GPM6A: variants seen among roughly 807,000 people sequenced by gnomAD.
GPM6A encodes the protein neuronal membrane glycoprotein M6-a.
GPM6A carries 7 observed loss-of-function variants against 32.1 expected under a neutral mutation model. The ratio of observed to expected loss-of-function variants is 0.22; its 90% CI spans 0.12 to 0.41. The LOEUF (loss-of-function observed/expected upper bound fraction) is 0.41. Ranked by LOEUF, GPM6A falls within the 10% of genes least tolerant of loss-of-function variation. The probability of loss-of-function intolerance (pLI) is 1.00; values close to 1 mark genes in which losing one functional copy is unlikely to be tolerated. For synonymous variants in GPM6A, 130 were observed against 123.4 expected (o/e 1.05, Z -0.35); for missense variants, 235 against 347.2 (o/e 0.68, Z 2.57).
chr4:175,863,907 G>T (rs144481882), intron 1 of GPM6A, among the ~76,000 whole-genome samples: 2 of 151,992 alleles, frequency 1.3e-5, no homozygotes, highest in African/African-American at 2.4e-5. Context: ...AGGCTGAGGC[G>T]GGAGGATCCC....
intron 1 of GPM6A, among the ~76,000 whole-genome samples, chr4:175,994,602 C>T (rs1741247978): frequency 1.3e-5 from 2 of 152,324 alleles, no homozygotes; most frequent in South Asian, 2.1e-4. Context: ...TCTGAGCCTT[C>T]AGCAAGTCAT....
At chr4:175,796,556 C>T (rs990916310) in intron 1 of GPM6A, among the ~76,000 whole-genome samples, 6 of 152,130 alleles carry the variant, frequency 3.9e-5, no homozygotes, top group African/African-American at 1.4e-4. Flanking sequence ...TTGAATGCTT[C>T]TGTTTATTTA....
At chr4:175,679,255 T>C (rs900775944) in intron 2 of GPM6A, among the ~76,000 whole-genome samples, 2 of 152,154 alleles carry the variant, frequency 1.3e-5, no homozygotes, top group African/African-American at 4.8e-5. Context: ...GAACGGAATG[T>C]TCCTTTTGAG....
At chr4:175,699,151 G>T (rs1391039366) in intron 2 of GPM6A, among the ~76,000 whole-genome samples, 1 of 152,020 alleles carries the variant, frequency 6.6e-6, no homozygotes, top group Non-Finnish European at 1.5e-5. Flanking sequence ...TTTTGTCCAG[G>T]GTAGGCTGAG....
At chr4:175,949,959 A>G (rs748899802) in intron 1 of GPM6A, among the ~76,000 whole-genome samples, 6 of 152,202 alleles carry the variant, frequency 3.9e-5, no homozygotes, top group Non-Finnish European at 5.9e-5. Context: ...TTCATGAGTG[A>G]AGAAAGATAA....
At chr4:175,872,022 C>G (rs1252365083) in intron 1 of GPM6A, among the ~76,000 whole-genome samples, 1 of 152,128 alleles carries the variant, frequency 6.6e-6, no homozygotes, top group Non-Finnish European at 1.5e-5. Context: ...AACACAATCT[C>G]TCTATGGTTT....
At chr4:175,699,628 T>A (rs1354563579) in intron 2 of GPM6A, among the ~76,000 whole-genome samples, 1 of 152,196 alleles carries the variant, frequency 6.6e-6, no homozygotes, top group African/African-American at 2.4e-5. Context: ...ATCAGTTCCA[T>A]TCTTCTAATC....
At chr4:175,886,070 G>A (rs1737444769) in intron 1 of GPM6A, among the ~76,000 whole-genome samples, 1 of 152,106 alleles carries the variant, frequency 6.6e-6, no homozygotes, top group Admixed American at 6.5e-5. Flanking sequence ...GTTCCAAAAT[G>A]AGAAAATGTA....
chr4:175,958,563 G>T (rs1029838586), intron 1 of GPM6A, among the ~76,000 whole-genome samples: 1 of 152,180 alleles, frequency 6.6e-6, no homozygotes, highest in Non-Finnish European at 1.5e-5. Flanking sequence ...AAAGGTATTG[G>T]TCTTCCCCCC....
chr4:175,753,141 A>G (rs1299312861), intron 1 of GPM6A, among the ~76,000 whole-genome samples: 1 of 152,172 alleles, frequency 6.6e-6, no homozygotes, highest in East Asian at 1.9e-4. Context: ...GCGATTTTCA[A>G]CATCATTAAT....
At chr4:175,816,659 G>C (rs1735110187), upstream of GPM6A, among the ~76,000 whole-genome samples, 1 of 152,114 alleles carries the variant, frequency 6.6e-6, no homozygotes, top group Admixed American at 6.6e-5. Flanking sequence ...CCAGTGCATA[G>C]GACTAACAGG....
At chr4:175,975,377 G>A (rs747174267) in intron 1 of GPM6A, among the ~76,000 whole-genome samples, 10 of 152,160 alleles carry the variant, frequency 6.6e-5, no homozygotes, top group Non-Finnish European at 1.3e-4. Flanking sequence ...CTGAGTTGCA[G>A]TTGTCTACTT....
intron 1 of GPM6A, among the ~76,000 whole-genome samples, chr4:175,856,834 CT>C (rs1381374388): frequency 1.3e-5 from 2 of 152,074 alleles, no homozygotes; most frequent in Non-Finnish European, 2.9e-5. Flanking sequence ...GCCAGTGGAA[CT>C]TGGGGTTTTT....
intron 6 of GPM6A, among the ~76,000 whole-genome samples, chr4:175,637,497 T>G (rs1254132448): frequency 2.3e-4 from 1 of 4,294 alleles, no homozygotes; most frequent in East Asian, 3.7e-3. Flanking sequence ...GACCTTTATA[T>G]ATATATAAAA....
intron 1 of GPM6A, among the ~76,000 whole-genome samples, chr4:175,809,472 A>G (rs1044627704): frequency 1.3e-5 from 2 of 152,180 alleles, no homozygotes; most frequent in East Asian, 1.9e-4. Flanking sequence ...TGTTTTACCA[A>G]AAAATATGTT....
chr4:175,746,530 T>A (rs948580216), intron 1 of GPM6A, among the ~76,000 whole-genome samples: 2 of 152,178 alleles, frequency 1.3e-5, no homozygotes, highest in African/African-American at 4.8e-5. Flanking sequence ...AAAATGGCAT[T>A]TGGAATTCTT....
chr4:175,762,639 C>T (rs1026764003), intron 1 of GPM6A, among the ~76,000 whole-genome samples: 3 of 151,786 alleles, frequency 2.0e-5, no homozygotes, highest in Non-Finnish European at 2.9e-5. Context: ...AAAAGGCATT[C>T]GATTAAAAAA....
chr4:175,652,209 T>G (rs1232611498), intron 3 of GPM6A, among the ~76,000 whole-genome samples: 1 of 152,164 alleles, frequency 6.6e-6, no homozygotes, highest in African/African-American at 2.4e-5. Context: ...GAAGTTCTGA[T>G]GTACAAAGAA....
At position 175,711,409 on chromosome 4, in the gene GPM6A, A is replaced by AATAT. The variant is rs36105210; in HGVS notation, c.38-9646_38-9643dup. On this transcript the variant is annotated intron_variant, in intron 1 of 6. Transcript: ENST00000393658. Reference sequence around the variant, plus strand: ...TTAAAAAGGGCACACTGGCACACCAAATATATATATATATATATATATATA... The same window carrying AATAT: ...TTAAAAAGGGCACACTGGCACACCAAATATATATATATATATATATATATATATA... 5.3e-3 allele frequency among the ~76,000 whole-genome samples: 281 copies of AATAT among 53,104 alleles called. 1 individual carries two copies. Among genetic ancestry groups the AATAT allele is most frequent in the African/African-American group, 0.01 (120 of 11,886 alleles). The allele number at this position is 53,104 out of a possible 152,430, so 34.8% of individuals were successfully genotyped here.
Sources: gnomAD v4.1 joint callset for allele counts (sites outside exome capture counted in the v4.1 genomes callset) on GRCh38, gnomAD v4.1.1 for gene constraint, MANE v1.5 for transcripts, NCBI Gene and HGNC (gene_info 2026-07-23, HGNC 2026-07-21) for gene names.